Variants in DSCAM observed in about 807,000 individuals in gnomAD.
The protein encoded by DSCAM is DS cell adhesion molecule, also known as cell adhesion molecule DSCAM.
A neutral mutation model predicts 217.7 loss-of-function variants in DSCAM; 47 were observed. The observed-to-expected ratio is 0.22, with a 90% CI of 0.17 to 0.28. The LOEUF is 0.28. DSCAM is among the 10% of genes least tolerant of loss of function. The pLI is 1.00. For synonymous variants in DSCAM, 1,056 were observed against 1,015.3 expected (o/e 1.04, Z -0.76); for missense variants, 2,080 against 2,618.3 (o/e 0.79, Z 4.49).
intron 3 of DSCAM, among the ~76,000 whole-genome samples, chr21:40,402,976 C>CA: frequency 6.6e-6 from 1 of 151,676 alleles, no homozygotes; most frequent in East Asian, 1.9e-4. Flanking sequence ...TATACCCCCC[C>CA]ACCCCATAAT....
intron 11 of DSCAM, among the ~76,000 whole-genome samples, chr21:40,263,572 G>C (rs1421412989): frequency 6.6e-6 from 1 of 152,086 alleles, no homozygotes; most frequent in Non-Finnish European, 1.5e-5. Context: ...ATTGCTAAGA[G>C]GAAAGTTTAC....
rs147451169 is a variant in DSCAM at position 40,330,496 on chromosome 21, T to G, written c.1783+7605A>C. On this transcript the variant is annotated intron_variant, in intron 8 of 32. Coordinates refer to ENST00000400454, the MANE Select transcript of DSCAM (RefSeq NM_001389.5). ...AATTAGGGTAAAGTAATTTGAGATA[T>G]CGCTTATAAAACACTTAATAAAATG... 8.7e-3 allele frequency among the ~76,000 whole-genome samples: 1,310 copies of G among 151,226 alleles called. 15 individuals carry two copies. The highest frequency in any genetic ancestry group is 0.031 in the African/African-American group (1,269 of 41,334).
rs143392575 is a variant in DSCAM, at chr21:40,778,337, T to C, written c.43+68282A>G. Reference sequence around the variant, plus strand: ...AGAAGTAGAGAAAACAACAGGAGCATGTAAGTTTTGTTTGATTGTTTCTTT... The same window carrying C: ...AGAAGTAGAGAAAACAACAGGAGCACGTAAGTTTTGTTTGATTGTTTCTTT... On this transcript the variant is annotated intron_variant, in intron 1 of 32. Coordinates refer to ENST00000400454, the MANE Select transcript of DSCAM (RefSeq NM_001389.5). 4.9e-3 allele frequency among the ~76,000 whole-genome samples: 753 copies of C among 152,198 alleles called. 6 individuals are homozygous for C. The highest frequency in any genetic ancestry group is 0.017 in the African/African-American group (715 of 41,538).
At chr21:40,305,598 A>G (rs2074064884) in intron 9 of DSCAM, among the ~76,000 whole-genome samples, 1 of 152,090 alleles carries the variant, frequency 6.6e-6, no homozygotes, top group Non-Finnish European at 1.5e-5. Flanking sequence ...TCTTTAATCC[A>G]TCTTGAATTA....
chr21:40,277,208 A>T (rs570625101), intron 10 of DSCAM, among the ~76,000 whole-genome samples: 28 of 152,180 alleles, frequency 1.8e-4, no homozygotes, highest in African/African-American at 6.3e-4. Context: ...TTCCTGGAGG[A>T]AGCTCAACGT....
Position 40,036,024 on chromosome 21 carries a change from A to G in DSCAM, c.5686+6347T>C, listed in dbSNP as rs1805529973. ...GGGACGCATTCAAAGCAGTGTATAG[A>G]GGGAAATTTATAGCACTAAATGCCC... is the stretch of plus-strand genomic sequence containing the variant. On this transcript the variant is annotated intron_variant, in intron 32 of 32. Transcript: ENST00000400454. 3.0e-5 allele frequency among the ~76,000 whole-genome samples: 4 copies of G among 131,320 alleles called. No individual in the cohort carries two copies. The South Asian group carries it at 9.4e-4, about 31-fold the overall frequency. The allele number at this position is 131,320 out of a possible 152,430, so 86.2% of individuals were successfully genotyped here. A position where few individuals can be genotyped will look rare whatever the true frequency, so the allele number is the denominator to read the frequency against.
intron 3 of DSCAM, among the ~76,000 whole-genome samples, chr21:40,507,960 T>A (rs992377128): frequency 6.6e-6 from 1 of 152,106 alleles, no homozygotes; most frequent in Non-Finnish European, 1.5e-5. Context: ...TGGACCTTTG[T>A]AACCAAAACC....
chr21:40,689,036 C>A (rs2090512681), intron 3 of DSCAM, among the ~76,000 whole-genome samples: 1 of 152,146 alleles, frequency 6.6e-6, no homozygotes, highest in Non-Finnish European at 1.5e-5. Context: ...CCAAAAGGAA[C>A]CATGACAATA....
intron 3 of DSCAM, among the ~76,000 whole-genome samples, chr21:40,469,252 T>C (rs577462352): frequency 6.6e-6 from 1 of 152,314 alleles, no homozygotes; most frequent in East Asian, 1.9e-4. Flanking sequence ...ACATAAGTTC[T>C]TAAAAATGTT....
Position 40,055,766 on chromosome 21 carries a change from G to T in DSCAM, c.4994C>A (p.Ala1665Asp). ...GTCTCTCTCTTCAATCAAAAGCTGA[G>T]CCCTGGGTATGTCGATGTGCATTCG... ...TLRMHIDIPR[A>D]QLLIEERDTM... Residue 1665 changes from alanine to aspartate, a missense_variant, in exon 29 of 33, where the codon GCT becomes GAT. Ala to Asp is a moderately radical substitution (Grantham distance 126). Transcript: ENST00000400454. The T allele has an allele frequency of 6.2e-7, 1 of 1,613,848 alleles. No homozygotes were observed. The highest frequency in any genetic ancestry group is 8.5e-7 in the Non-Finnish European group (1 of 1,179,760).
intron 9 of DSCAM, among the ~76,000 whole-genome samples, chr21:40,301,738 C>A (rs954841322): frequency 6.6e-6 from 1 of 152,208 alleles, no homozygotes; most frequent in Non-Finnish European, 1.5e-5. Context: ...GTACAGAAAG[C>A]ACTCTGCAAC....
chr21:40,761,980 T>C (rs1055181735), intron 1 of DSCAM, among the ~76,000 whole-genome samples: 15 of 152,290 alleles, frequency 9.8e-5, no homozygotes, highest in African/African-American at 3.4e-4. Flanking sequence ...GGGAAATGTA[T>C]AGCACTAAAT....
intron 3 of DSCAM, among the ~76,000 whole-genome samples, chr21:40,434,480 A>G (rs1601641192): frequency 6.6e-6 from 1 of 152,154 alleles, no homozygotes; most frequent in Non-Finnish European, 1.5e-5. Flanking sequence ...TGGCAAGACC[A>G]TGCACACTAC....
At chr21:40,014,183 G>T (rs972500274) in intron 32 of DSCAM, among the ~76,000 whole-genome samples, 5 of 152,184 alleles carry the variant, frequency 3.3e-5, no homozygotes, top group Non-Finnish European at 7.3e-5. Context: ...CTGAGGTCAG[G>T]AGTTCAAGAC....
intron 1 of DSCAM, among the ~76,000 whole-genome samples, chr21:40,791,583 G>A (rs1173320541): frequency 6.6e-6 from 1 of 152,212 alleles, no homozygotes; most frequent in African/African-American, 2.4e-5. Flanking sequence ...AACCCAGGAG[G>A]TGGAGCTTGC....
chr21:40,175,184 A>C (rs1434950220), intron 15 of DSCAM, among the ~76,000 whole-genome samples: 2 of 152,166 alleles, frequency 1.3e-5, no homozygotes, highest in Non-Finnish European at 2.9e-5. Context: ...ACCTTGGCTC[A>C]CTGCAACCTC....
chr21:40,485,445 T>G (rs1297276016), intron 3 of DSCAM, among the ~76,000 whole-genome samples: 4 of 151,414 alleles, frequency 2.6e-5, no homozygotes, highest in African/African-American at 7.3e-5. Context: ...GGTTTCACCG[T>G]GTTAGCCAGG....
At chr21:40,647,510 A>G (rs1259767727) in intron 3 of DSCAM, among the ~76,000 whole-genome samples, 3 of 127,038 alleles carry the variant, frequency 2.4e-5, no homozygotes, top group Admixed American at 9.2e-5. Flanking sequence ...AGTTTAATGG[A>G]CCACTCGAAA....
chr21:40,630,414 T>G (rs1428485285), intron 3 of DSCAM, among the ~76,000 whole-genome samples: 1 of 152,176 alleles, frequency 6.6e-6, no homozygotes, highest in African/African-American at 2.4e-5. Context: ...TTCTCGTGCC[T>G]CAGCCTTCTG....
Sources: allele counts gnomAD v4.1 joint callset (sites outside exome capture counted in the v4.1 genomes callset), GRCh38; gene constraint gnomAD v4.1.1; transcripts MANE v1.5; gene names NCBI Gene and HGNC (gene_info 2026-07-23, HGNC 2026-07-21).